Variants in ARAP2 observed in about 807,000 individuals in gnomAD.
The protein encoded by ARAP2 is arf-GAP with Rho-GAP domain, ANK repeat and PH domain-containing protein 2.
Under a neutral mutation model 194.5 loss-of-function variants are expected in ARAP2, and 148 were observed. The ratio of observed to expected loss-of-function variants is 0.76; its 90% confidence interval spans 0.67 to 0.87. ARAP2 has a LOEUF of 0.87. Among genes scored for constraint, ARAP2 ranks in the 40% least tolerant of loss-of-function variants. ARAP2 has a pLI of 0.00. For synonymous variants in ARAP2, 695 were observed against 683.5 expected (o/e 1.02, Z -0.26); for missense variants, 2,128 against 1,989.7 (o/e 1.07, Z -1.32).
chr4:36,238,138 A>G (rs1328232144), intron 1 of ARAP2, among the ~76,000 whole-genome samples: 3 of 152,202 alleles, frequency 2.0e-5, no homozygotes, highest in Non-Finnish European at 2.9e-5. Context: ...CCCTTACAGG[A>G]AGCCCAGTTC....
chr4:36,179,058 G>A (rs541287606), intron 8 of ARAP2, among the ~76,000 whole-genome samples: 1 of 152,214 alleles, frequency 6.6e-6, no homozygotes, highest in African/African-American at 2.4e-5. Context: ...AAAAAAATGG[G>A]AAATATGACC....
At chr4:36,225,438 T>C (rs867291569) in intron 2 of ARAP2, among the ~76,000 whole-genome samples, 6 of 152,074 alleles carry the variant, frequency 3.9e-5, no homozygotes, top group Non-Finnish European at 7.4e-5. Context: ...GGCATCTGCT[T>C]TCTGCTTGGA....
rs147139030 is a variant in ARAP2 at position 36,068,080 on chromosome 4, G to A, written c.4942C>T (p.Pro1648Ser). The change falls in exon 33 of 33, where the codon CCA (proline) becomes TCA (serine). Residue 1648 changes from proline (P) to serine (S), a missense_variant. Coordinates refer to ENST00000303965, the MANE Select transcript of ARAP2 (RefSeq NM_015230.4). Reference sequence around the variant, plus strand: ...GTCTTTAGGCCTTTATGGCCTTTTGGTTGCCCAAGTGGGGCTTCAGGCTCT... The same window carrying A: ...GTCTTTAGGCCTTTATGGCCTTTTGATTGCCCAAGTGGGGCTTCAGGCTCT... ...DTEPEAPLGQ[P>S]KGHKGLKTLR... 3 of 1,613,864 alleles carry A rather than the reference G, an allele frequency of 1.9e-6. No individual in the cohort carries two copies. In the African/African-American group the frequency reaches 4.0e-5, roughly 22 times the overall value.
intron 5 of ARAP2, among the ~76,000 whole-genome samples, chr4:36,026,204 C>T (rs1272351023): frequency 2.6e-5 from 4 of 152,168 alleles, no homozygotes; most frequent in African/African-American, 7.2e-5. Flanking sequence ...CTTTGACTCA[C>T]AAAGAGAATT....
At chr4:36,186,979 T>C (rs1416100170) in intron 8 of ARAP2, among the ~76,000 whole-genome samples, 1 of 152,122 alleles carries the variant, frequency 6.6e-6, no homozygotes. Flanking sequence ...CCAGGAACCA[T>C]CTCCCCACCA....
At position 36,213,240 on chromosome 4, in the gene ARAP2, A is replaced by G; in HGVS notation, c.1041+3T>C. ...GAAAACAATTAAAATGTATGGGACT[A>G]ACCTTGGAATTTTCTAGTCTCTGGA... On this transcript the variant is annotated splice_donor_region_variant and intron_variant, in intron 4 of 32. Coordinates refer to ENST00000303965, the MANE Select transcript of ARAP2 (RefSeq NM_015230.4). The G allele has an allele frequency of 6.3e-7, 1 of 1,581,830 alleles. No individual in the cohort carries two copies. Among genetic ancestry groups the G allele is most frequent in the East Asian group, 2.2e-5 (1 of 44,546 alleles).
intron 6 of ARAP2, among the ~76,000 whole-genome samples, chr4:36,201,986 G>A (rs888969862): frequency 6.6e-6 from 1 of 151,994 alleles, no homozygotes; most frequent in East Asian, 1.9e-4. Context: ...TGCCATTTAA[G>A]GCAATGAAAA....
At chr4:36,193,713 T>G in intron 6 of ARAP2, 66 bp from the exon 7 acceptor site, 1 of 1,185,456 alleles carries the variant, frequency 8.4e-7, no homozygotes. Flanking sequence ...TAAATTCATT[T>G]GTAATGTAAC....
chr4:36,178,042 A>T, intron 8 of ARAP2, 37 bp from the exon 9 acceptor site: 2 of 1,538,556 alleles, frequency 1.3e-6, no homozygotes, highest in Non-Finnish European at 1.8e-6. Flanking sequence ...ATAAATCCAC[A>T]TATAAGTTAC....
chr4:36,217,861 A>T (rs1441948854), intron 2 of ARAP2, among the ~76,000 whole-genome samples: 1 of 151,430 alleles, frequency 6.6e-6, no homozygotes, highest in Non-Finnish European at 1.5e-5. Context: ...ATACTAGATA[A>T]TACTAGATAT....
At chr4:36,239,953 C>T (rs1163856875) in intron 1 of ARAP2, among the ~76,000 whole-genome samples, 1 of 152,142 alleles carries the variant, frequency 6.6e-6, no homozygotes. Flanking sequence ...CTATCCCATC[C>T]CTCCTCAATC....
intron 8 of ARAP2, among the ~76,000 whole-genome samples, chr4:36,183,244 C>T (rs1739689182): frequency 6.6e-6 from 1 of 151,594 alleles, no homozygotes; most frequent in African/African-American, 2.4e-5. Context: ...AGTCTGCTTG[C>T]CCAGAAAAAC....
At chr4:36,054,667 C>T (rs1443348301) in intron 2 of ARAP2, among the ~76,000 whole-genome samples, 1 of 151,980 alleles carries the variant, frequency 6.6e-6, no homozygotes, top group East Asian at 1.9e-4. Flanking sequence ...AAAAAGCAAA[C>T]ATAAAAGGCA....
chr4:36,071,722 T>C (rs1726986436), intron 32 of ARAP2, among the ~76,000 whole-genome samples: 1 of 151,504 alleles, frequency 6.6e-6, no homozygotes, highest in African/African-American at 2.4e-5. Flanking sequence ...TATTATACTT[T>C]AAGTTTTAGG....
intron 19 of ARAP2, among the ~76,000 whole-genome samples, chr4:36,139,474 C>T (rs1727693840): frequency 6.6e-6 from 1 of 151,578 alleles, no homozygotes; most frequent in African/African-American, 2.4e-5. Flanking sequence ...TTGATTATTT[C>T]AAAGGACCAG....
intron 6 of ARAP2, among the ~76,000 whole-genome samples, chr4:36,203,028 A>G (rs548984727): frequency 6.6e-6 from 1 of 152,328 alleles, no homozygotes; most frequent in African/African-American, 2.4e-5. Context: ...GGTGCTGATA[A>G]TGGATATATT....
chr4:36,210,885 T>A (rs189830629), intron 5 of ARAP2, 142 bp from the exon 6 acceptor site: 44 of 601,174 alleles, frequency 7.3e-5, no homozygotes, highest in East Asian at 5.4e-4. Flanking sequence ...CTATTGAAAA[T>A]TTTTTAAACT....
At chr4:36,156,831 G>A (rs568084972) in intron 15 of ARAP2, among the ~76,000 whole-genome samples, 61 of 152,088 alleles carry the variant, frequency 4.0e-4, no homozygotes, top group South Asian at 1.5e-3. Context: ...GCTCACTTTC[G>A]TATTACCTAA....
chr4:36,229,017 T>A lies in ARAP2; in HGVS notation c.470A>T (p.Glu157Val). The change falls in exon 2 of 33, where the codon GAG becomes GTG. Residue 157 changes from glutamate to valine, a missense_variant. By Grantham distance (121) the Glu-to-Val change is moderately radical (BLOSUM62 -2). Transcript: ENST00000303965. ...SPPKRDFPTA[E>V]EPHLNLGSLN... ...AGAACCCAAATTCAGGTGTGGTTCCTCTGCAGTGGGGAAGTCGCGTTTAGG... is the reference window on the plus strand; with the variant it reads ...AGAACCCAAATTCAGGTGTGGTTCCACTGCAGTGGGGAAGTCGCGTTTAGG... 6.2e-7 allele frequency: 1 copy of A among 1,614,178 alleles called. No individual in the cohort carries two copies. Among genetic ancestry groups the A allele is most frequent in the Non-Finnish European group, 8.5e-7 (1 of 1,180,018 alleles).
Sources: gnomAD v4.1 joint callset for allele counts (sites outside exome capture counted in the v4.1 genomes callset) on GRCh38, gnomAD v4.1.1 for gene constraint, MANE v1.5 for transcripts, NCBI Gene and HGNC (gene_info 2026-07-23, HGNC 2026-07-21) for gene names.